ANKRD31: variants seen among roughly 807,000 people sequenced by gnomAD.
The protein encoded by ANKRD31 is ankyrin repeat domain 31, also known as ankyrin repeat domain-containing protein 31.
A neutral mutation model predicts 186.0 loss-of-function variants in ANKRD31; 147 were observed. The ratio of observed to expected loss-of-function variants is 0.79; its 90% CI spans 0.69 to 0.91. The LOEUF is 0.91. Among genes scored for constraint, ANKRD31 ranks in the 40% least tolerant of loss-of-function variants. The probability of loss-of-function intolerance (pLI) is 0.00; values close to 1 mark genes in which losing one functional copy is unlikely to be tolerated. For missense variants in ANKRD31, 1,986 were observed against 2,148.8 expected (o/e 0.92, Z 1.50); for synonymous variants, 673 against 736.4 (o/e 0.91, Z 1.39).
At chr5:75,125,563 C>G (rs1360791538) in intron 17 of ANKRD31, among the ~76,000 whole-genome samples, 1 of 152,232 alleles carries the variant, frequency 6.6e-6, no homozygotes, top group East Asian at 1.9e-4. Context: ...CTTCTAGAGT[C>G]TTAAAAACAT....
At chr5:75,229,913 G>T (rs1757851517) in intron 2 of ANKRD31, among the ~76,000 whole-genome samples, 1 of 148,118 alleles carries the variant, frequency 6.8e-6, no homozygotes, top group African/African-American at 2.5e-5. Flanking sequence ...TTCCCAGCAA[G>T]GGCCACTCTC....
intron 23 of ANKRD31, among the ~76,000 whole-genome samples, chr5:75,084,914 T>A (rs1386780520): frequency 1.3e-5 from 2 of 152,216 alleles, no homozygotes; most frequent in African/African-American, 2.4e-5. Flanking sequence ...TATATCATTA[T>A]CAGTGCAAAT....
chr5:75,104,686 C>T lies in ANKRD31; in HGVS notation c.4873G>A (p.Ala1625Thr). The T allele has an allele frequency of 6.5e-7, 1 of 1,536,310 alleles. No individual in the cohort carries two copies. Reference protein sequence around the residue: ...YSQKENDLTEATDKDHEFYVS... With the variant: ...YSQKENDLTETTDKDHEFYVS... ...TAGAATTCATGGTCTTTGTCTGTAG[C>T]TTCTGTAAGATCATTCTCTTTCTGT... is the stretch of plus-strand genomic sequence containing the variant. The change falls in exon 22 of 26, where the codon GCT becomes ACT. Residue 1625 changes from alanine to threonine, a missense_variant. Physicochemically the swap from Ala to Thr is moderately conservative, Grantham distance 58. Coordinates refer to ENST00000506364, the MANE Select transcript of ANKRD31 (RefSeq NM_001372053.1).
chr5:75,105,073 G>T lies in ANKRD31; in HGVS notation c.4486C>A (p.Pro1496Thr). Residue 1496 changes from proline to threonine, a missense_variant, in exon 22 of 26, where the codon CCT becomes ACT. Physicochemically the swap from Pro to Thr is conservative, Grantham distance 38 (BLOSUM62 -1). Coordinates refer to ENST00000506364, the MANE Select transcript of ANKRD31 (RefSeq NM_001372053.1). ...IQNCRNVTSLPCLSLRKLPPR... is the reference protein window; with the variant it reads ...IQNCRNVTSLTCLSLRKLPPR... ...GGGAGCTTCCTTAAACTAAGACAAGGCAATGATGTAACATTCCTACAGTTT... is the reference window on the plus strand; with the variant it reads ...GGGAGCTTCCTTAAACTAAGACAAGTCAATGATGTAACATTCCTACAGTTT... 1.3e-6 allele frequency: 2 copies of T among 1,536,752 alleles called. No individual in the cohort carries two copies. The highest frequency in any genetic ancestry group is 1.7e-6 in the Non-Finnish European group (2 of 1,146,786).
At chr5:75,187,114 G>T (rs943347938) in intron 10 of ANKRD31, among the ~76,000 whole-genome samples, 8 of 105,886 alleles carry the variant, frequency 7.6e-5, no homozygotes, top group Non-Finnish European at 1.8e-4. Context: ...TCTGTTTTGT[G>T]TGTGTGTGTG....
chr5:75,188,406 G>A (rs765042011), intron 10 of ANKRD31, 87 bp downstream of exon 10: 2 of 1,278,160 alleles, frequency 1.6e-6, no homozygotes, highest in Non-Finnish European at 1.0e-6. Flanking sequence ...CTTACCTTAG[G>A]CTCACTTTGC....
At chr5:75,209,385 T>A (rs1461196721) in intron 4 of ANKRD31, among the ~76,000 whole-genome samples, 2 of 152,174 alleles carry the variant, frequency 1.3e-5, no homozygotes, top group East Asian at 3.8e-4. Context: ...TTACTCAAGA[T>A]AAACATCATG....
intron 2 of ANKRD31, among the ~76,000 whole-genome samples, chr5:75,226,668 A>G (rs1322285753): frequency 6.6e-6 from 1 of 152,212 alleles, no homozygotes; most frequent in Non-Finnish European, 1.5e-5. Flanking sequence ...ATGAAAAGGT[A>G]CTCAACATCA....
intron 17 of ANKRD31, among the ~76,000 whole-genome samples, chr5:75,128,264 G>C (rs1749416161): frequency 6.6e-6 from 1 of 151,280 alleles, no homozygotes; most frequent in Non-Finnish European, 1.5e-5. Context: ...GGCAGGGGGT[G>C]GGGGACTAGG....
chr5:75,141,788 C>A (rs1403906620), intron 15 of ANKRD31, among the ~76,000 whole-genome samples: 2 of 151,962 alleles, frequency 1.3e-5, no homozygotes, highest in Non-Finnish European at 2.9e-5. Context: ...GGGTGACAGA[C>A]AAGACCCTGT....
At chr5:75,226,796 G>A (rs868694530) in intron 2 of ANKRD31, among the ~76,000 whole-genome samples, 1 of 152,200 alleles carries the variant, frequency 6.6e-6, no homozygotes, top group Non-Finnish European at 1.5e-5. Flanking sequence ...GTGGAGAAAA[G>A]TGAACCATCA....
chr5:75,202,153 C>G (rs1755862228), intron 5 of ANKRD31, among the ~76,000 whole-genome samples: 1 of 152,222 alleles, frequency 6.6e-6, no homozygotes, highest in African/African-American at 2.4e-5. Context: ...CACATGTTCT[C>G]AGAGTTTCCT....
intron 9 of ANKRD31, among the ~76,000 whole-genome samples, chr5:75,191,298 T>A (rs1435855829): frequency 6.6e-6 from 1 of 152,166 alleles, no homozygotes; most frequent in Non-Finnish European, 1.5e-5. Flanking sequence ...CTTTCCCGTA[T>A]CTCACTGTAG....
At chr5:75,148,668 G>A in intron 12 of ANKRD31, 40 bp from the exon 13 acceptor site, 1 of 1,469,032 alleles carries the variant, frequency 6.8e-7, no homozygotes, top group Non-Finnish European at 9.1e-7. Context: ...ACAGCTTCTA[G>A]TGTTTAGACT....
chr5:75,122,766 T>C (rs1157438702), intron 17 of ANKRD31, among the ~76,000 whole-genome samples: 1 of 152,020 alleles, frequency 6.6e-6, no homozygotes, highest in East Asian at 1.9e-4. Flanking sequence ...AAACTAGGCA[T>C]AGTAGAAAAA....
rs527595476 is a variant in ANKRD31, at chr5:75,177,818, G to C, written c.1565-8697C>G. ...AGACCGTCGATGCTAGGAAGAAACT[G>C]CATCAACTAACGAGCAAAATAACCA... On this transcript the variant is annotated intron_variant, in intron 10 of 25. Coordinates refer to ENST00000506364, the MANE Select transcript of ANKRD31 (RefSeq NM_001372053.1). Among the ~76,000 whole-genome samples the C allele has an allele frequency of 5.9e-5, 9 of 152,258 alleles. No homozygotes were observed. In the East Asian group the frequency reaches 1.7e-3, roughly 29 times the overall value.
At chr5:75,169,696 T>G (rs959762569) in intron 10 of ANKRD31, among the ~76,000 whole-genome samples, 13 of 152,174 alleles carry the variant, frequency 8.5e-5, no homozygotes, top group African/African-American at 3.1e-4. Flanking sequence ...TTTATTAAAT[T>G]CCAGTAAATC....
chr5:75,150,085 G>A (rs967862234), intron 12 of ANKRD31, among the ~76,000 whole-genome samples: 3 of 151,786 alleles, frequency 2.0e-5, no homozygotes, highest in African/African-American at 7.3e-5. Flanking sequence ...GTACTGTGTT[G>A]AGATATTTAC....
chr5:75,214,117 T>C (rs1580571924), intron 3 of ANKRD31, among the ~76,000 whole-genome samples: 1 of 152,250 alleles, frequency 6.6e-6, no homozygotes, highest in African/African-American at 2.4e-5. Context: ...ATCCATACAA[T>C]TGCCTTTTAG....
Sources: allele counts gnomAD v4.1 joint callset (sites outside exome capture counted in the v4.1 genomes callset), GRCh38; gene constraint gnomAD v4.1.1; transcripts MANE v1.5; gene names NCBI Gene and HGNC (gene_info 2026-07-23, HGNC 2026-07-21).